Variants in GRID1 observed in about 807,000 individuals in gnomAD.
GRID1 encodes the protein glutamate receptor ionotropic, delta-1.
GRID1 carries 28 observed loss-of-function variants against 98.0 expected under a neutral mutation model. The ratio of observed to expected loss-of-function variants is 0.29; its 90% CI spans 0.21 to 0.39. The LOEUF is 0.39. Among genes scored for constraint, GRID1 ranks in the 10% least tolerant of loss-of-function variants. The pLI, the probability that GRID1 is intolerant of heterozygous loss-of-function variation, is 1.00. For synonymous variants in GRID1, 553 were observed against 538.5 expected (o/e 1.03, Z -0.37); for missense variants, 1,111 against 1,340.5 (o/e 0.83, Z 2.67).
intron 15 of GRID1, among the ~76,000 whole-genome samples, chr10:85,604,819 T>C (rs1354307617): frequency 1.3e-5 from 2 of 152,244 alleles, no homozygotes; most frequent in Non-Finnish European, 2.9e-5. Flanking sequence ...ATAACCGTTA[T>C]ACAGTGTGTT....
chr10:85,876,831 G>A (rs946152067), intron 5 of GRID1, among the ~76,000 whole-genome samples: 2 of 152,212 alleles, frequency 1.3e-5, no homozygotes, highest in Non-Finnish European at 2.9e-5. Context: ...AGTGCAAGGG[G>A]TCAGGGAGTT....
chr10:85,827,282 C>A (rs1004042839), intron 8 of GRID1, among the ~76,000 whole-genome samples: 13 of 151,844 alleles, frequency 8.6e-5, no homozygotes, highest in Non-Finnish European at 1.8e-4. Flanking sequence ...GAAGAAGAAC[C>A]AAATTCATCA....
chr10:85,759,972 G>A (rs2132696879), intron 8 of GRID1, among the ~76,000 whole-genome samples: 1 of 152,228 alleles, frequency 6.6e-6, no homozygotes, highest in South Asian at 2.1e-4. Flanking sequence ...TGGTGCCTGG[G>A]GACTTGCTCT....
chr10:85,871,933 A>G (rs1208425677), intron 5 of GRID1, among the ~76,000 whole-genome samples: 3 of 152,242 alleles, frequency 2.0e-5, no homozygotes, highest in Admixed American at 2.0e-4. Context: ...ATTTCAGACA[A>G]AAGTCTGTTC....
At chr10:85,820,911 A>T (rs556401269) in intron 8 of GRID1, among the ~76,000 whole-genome samples, 2 of 152,294 alleles carry the variant, frequency 1.3e-5, no homozygotes, top group South Asian at 4.1e-4. Flanking sequence ...TGCCTTTTTG[A>T]TATTCATTCA....
chr10:86,107,025 C>T (rs958218632), intron 4 of GRID1, among the ~76,000 whole-genome samples: 3 of 152,136 alleles, frequency 2.0e-5, no homozygotes, highest in African/African-American at 4.8e-5. Flanking sequence ...GAGTGAGGGC[C>T]AGACCTGCCT....
chr10:86,002,703 C>T (rs1201169187), intron 4 of GRID1, among the ~76,000 whole-genome samples: 1 of 152,100 alleles, frequency 6.6e-6, no homozygotes, highest in Non-Finnish European at 1.5e-5. Context: ...TTGAACTACG[C>T]ACATATTTTT....
intron 2 of GRID1, among the ~76,000 whole-genome samples, chr10:86,300,465 G>GGGGAGGGAGGAAGGGA (rs1712224056): frequency 2.3e-5 from 3 of 132,994 alleles, no homozygotes; most frequent in African/African-American, 8.5e-5. Context: ...AGAGGGAACA[G>GGGGAGGGAGGAAGGGA]GGGAGGGAGG....
At chr10:86,178,788 T>G (rs918011536) in intron 3 of GRID1, among the ~76,000 whole-genome samples, 1 of 152,124 alleles carries the variant, frequency 6.6e-6, no homozygotes, top group Non-Finnish European at 1.5e-5. Flanking sequence ...CCTCCCTGCT[T>G]GATTCGGAGT....
At chr10:86,161,378 G>A (rs1845320141) in intron 3 of GRID1, among the ~76,000 whole-genome samples, 2 of 152,120 alleles carry the variant, frequency 1.3e-5, no homozygotes, top group Admixed American at 1.3e-4. Flanking sequence ...AGCTGAGTCA[G>A]GACAGGCAGC....
At chr10:86,363,609 C>A (rs560972262) in intron 2 of GRID1, among the ~76,000 whole-genome samples, 1 of 152,188 alleles carries the variant, frequency 6.6e-6, no homozygotes, top group Non-Finnish European at 1.5e-5. Flanking sequence ...CCCCAAACAC[C>A]GAGAAACAAA....
intron 4 of GRID1, among the ~76,000 whole-genome samples, chr10:85,944,578 A>C (rs12767688): frequency 0.12 from 18,820 of 152,244 alleles, 1,526 homozygotes; most frequent in Non-Finnish European, 0.18. Context: ...AAAATGTATA[A>C]GGATATTTAT....
At chr10:85,797,440 C>T (rs912489954) in intron 8 of GRID1, among the ~76,000 whole-genome samples, 1 of 151,436 alleles carries the variant, frequency 6.6e-6, no homozygotes, top group Non-Finnish European at 1.5e-5. Context: ...TATTTATTTA[C>T]TTTTTTGAGA....
At chr10:85,692,898 T>C (rs996337626) in intron 12 of GRID1, among the ~76,000 whole-genome samples, 1 of 152,168 alleles carries the variant, frequency 6.6e-6, no homozygotes, top group African/African-American at 2.4e-5. Flanking sequence ...TCACAGAACA[T>C]GCATGTAGCT....
chr10:85,701,597 C>G (rs977970837), intron 12 of GRID1, among the ~76,000 whole-genome samples: 1 of 152,162 alleles, frequency 6.6e-6, no homozygotes, highest in South Asian at 2.1e-4. Context: ...AAGGGTGATT[C>G]TAACTGCATC....
intron 2 of GRID1, among the ~76,000 whole-genome samples, chr10:86,358,253 G>A (rs1848558970): frequency 1.3e-5 from 2 of 152,172 alleles, no homozygotes; most frequent in African/African-American, 4.8e-5. Context: ...ATGCCCCGCA[G>A]TAAGCAAGAG....
At chr10:85,760,533 A>G (rs1475402606) in intron 8 of GRID1, among the ~76,000 whole-genome samples, 1 of 152,186 alleles carries the variant, frequency 6.6e-6, no homozygotes, top group Non-Finnish European at 1.5e-5. Flanking sequence ...CAGGTAAACT[A>G]TAACAACTCA....
chr10:85,599,802 A>AAAAAAAAAAAAAAAAAAAAAAAAATAT lies in GRID1; in HGVS notation c.*2470_*2471insATATTTTTTTTTTTTTTTTTTTTTTTT. On this transcript the variant is annotated 3_prime_UTR_variant, in exon 16 of 16. Transcript: ENST00000327946. ...GTAGAAAATTCTAAAAAAAAAAAAAAATATATATATATATATATAAACATG... is the reference window on the plus strand; with the variant it reads ...GTAGAAAATTCTAAAAAAAAAAAAAAAAAAAAAAAAAAAAAAAAAAAAAATATATATATATATATATATATAAACATG... 3.1e-5 allele frequency: 2 copies of AAAAAAAAAAAAAAAAAAAAAAAAATAT among 64,984 alleles called. No individual in the cohort carries two copies. Among genetic ancestry groups the AAAAAAAAAAAAAAAAAAAAAAAAATAT allele is most frequent in the African/African-American group, 1.9e-4 (2 of 10,732 alleles). The allele number at this position is 64,984 out of a possible 1,614,324, so 4.0% of individuals were successfully genotyped here.
At chr10:85,615,028 T>C (rs1222888430) in intron 14 of GRID1, among the ~76,000 whole-genome samples, 3 of 152,140 alleles carry the variant, frequency 2.0e-5, no homozygotes, top group Non-Finnish European at 4.4e-5. Context: ...AGAGCAACAG[T>C]TGTTTATAGC....
Sources: allele counts gnomAD v4.1 joint callset (sites outside exome capture counted in the v4.1 genomes callset), GRCh38; gene constraint gnomAD v4.1.1; transcripts MANE v1.5; gene names NCBI Gene and HGNC (gene_info 2026-07-23, HGNC 2026-07-21).